Variants in DCC observed in about 807,000 individuals in gnomAD.
DCC encodes netrin receptor DCC.
A neutral mutation model predicts 172.5 loss-of-function variants in DCC; 58 were observed. That is an observed-to-expected ratio of 0.34 (90% CI 0.27 to 0.42). DCC has a LOEUF of 0.42. Ranked by LOEUF, DCC falls within the 10% of genes least tolerant of loss-of-function variation. The pLI is 1.00. For synonymous variants in DCC, 709 were observed against 644.5 expected (o/e 1.10, Z -1.52); for missense variants, 1,740 against 1,791.0 (o/e 0.97, Z 0.51).
At chr18:53,331,579 G>C (rs1280705268) in intron 14 of DCC, among the ~76,000 whole-genome samples, 2 of 152,118 alleles carry the variant, frequency 1.3e-5, no homozygotes, top group African/African-American at 2.4e-5. Flanking sequence ...TAACAGTCAG[G>C]ATTAGGTTAT....
intron 5 of DCC, among the ~76,000 whole-genome samples, chr18:53,011,323 A>C (rs948499517): frequency 6.6e-6 from 1 of 151,728 alleles, no homozygotes; most frequent in Non-Finnish European, 1.5e-5. Flanking sequence ...ATATTTTATA[A>C]TGTATTTTAT....
chr18:52,498,933 G>T (rs1024268962), intron 1 of DCC, among the ~76,000 whole-genome samples: 24 of 152,060 alleles, frequency 1.6e-4, no homozygotes, highest in Admixed American at 1.6e-3. Flanking sequence ...TGAGAATTAG[G>T]GCTTTAATAT....
chr18:52,502,521 T>G (rs1232581315), intron 1 of DCC, among the ~76,000 whole-genome samples: 1 of 152,126 alleles, frequency 6.6e-6, no homozygotes, highest in Non-Finnish European at 1.5e-5. Context: ...CTATTTTAGA[T>G]TTTCTGATTG....
chr18:52,373,777 C>G (rs971153072), intron 1 of DCC, among the ~76,000 whole-genome samples: 1 of 152,224 alleles, frequency 6.6e-6, no homozygotes, highest in Non-Finnish European at 1.5e-5. Flanking sequence ...GATGCTAACA[C>G]CTTAGTCATT....
intron 1 of DCC, among the ~76,000 whole-genome samples, chr18:52,549,122 C>G (rs956143983): frequency 1.3e-5 from 2 of 151,854 alleles, no homozygotes; most frequent in Admixed American, 1.3e-4. Flanking sequence ...TCTTTACAAA[C>G]TTAAACCTTC....
At chr18:52,626,835 GAGAA>G (rs2034582214) in intron 1 of DCC, among the ~76,000 whole-genome samples, 1 of 152,168 alleles carries the variant, frequency 6.6e-6, no homozygotes, top group Non-Finnish European at 1.5e-5. Context: ...AAGTATATGG[GAGAA>G]AGTATGTAGT....
At chr18:52,764,110 C>T (rs2037206095) in intron 2 of DCC, among the ~76,000 whole-genome samples, 1 of 152,172 alleles carries the variant, frequency 6.6e-6, no homozygotes, top group Non-Finnish European at 1.5e-5. Context: ...TTGATAGAAA[C>T]TGGTATATTC....
intron 7 of DCC, among the ~76,000 whole-genome samples, chr18:53,093,622 A>G (rs912659933): frequency 3.3e-5 from 5 of 152,226 alleles, no homozygotes; most frequent in South Asian, 2.1e-4. Context: ...CTGACCTTCC[A>G]TAATTATTGA....
chr18:53,407,666 T>G (rs1909755244), intron 19 of DCC, among the ~76,000 whole-genome samples: 1 of 150,352 alleles, frequency 6.7e-6, no homozygotes, highest in Non-Finnish European at 1.5e-5. Context: ...TTAGATATAT[T>G]ACATAGTAAT....
chr18:53,480,926 T>C (rs1369016566), intron 25 of DCC: 3 of 152,174 alleles, frequency 2.0e-5, no homozygotes, highest in African/African-American at 7.2e-5. Context: ...GAGCTTCAAG[T>C]TGTTTCATGA....
chr18:52,724,835 A>AGCCCT, intron 1 of DCC, among the ~76,000 whole-genome samples: 1 of 152,246 alleles, frequency 6.6e-6, no homozygotes, highest in Middle Eastern at 3.4e-3. Flanking sequence ...ATTCTACACA[A>AGCCCT]TTCCTTCCCC....
intron 8 of DCC, among the ~76,000 whole-genome samples, chr18:53,173,587 A>G (rs1188336487): frequency 6.6e-6 from 1 of 152,184 alleles, no homozygotes; most frequent in African/African-American, 2.4e-5. Flanking sequence ...AAAGAAGGTC[A>G]TTACATAATG....
chr18:52,920,794 C>A (rs529269604), intron 3 of DCC, among the ~76,000 whole-genome samples: 1 of 151,902 alleles, frequency 6.6e-6, no homozygotes. Context: ...CTTCAATAGA[C>A]GAATGGATAA....
chr18:53,314,443 A>G (rs949424068), intron 13 of DCC, among the ~76,000 whole-genome samples: 15 of 152,216 alleles, frequency 9.9e-5, no homozygotes, highest in African/African-American at 3.4e-4. Flanking sequence ...AAGTGATACT[A>G]TGGTAAATCA....
intron 25 of DCC, 103 bp from the exon 26 acceptor site, chr18:53,486,694 A>G: frequency 2.0e-6 from 3 of 1,469,456 alleles, no homozygotes; most frequent in Non-Finnish European, 2.8e-6. Context: ...TACTATGAAG[A>G]GTGTGTATAG....
At chr18:53,072,527 G>T (rs942160833) in intron 7 of DCC, among the ~76,000 whole-genome samples, 2 of 152,224 alleles carry the variant, frequency 1.3e-5, no homozygotes, top group Non-Finnish European at 2.9e-5. Context: ...GCAGGGAAGT[G>T]GAGGGCCGTG....
At position 52,789,101 on chromosome 18, in the gene DCC, A is replaced by C. The variant is rs762011443; in HGVS notation, c.412+36727A>C. ...ATCCCTTAAAGTATGTTTTCTCTCT[A>C]GTTATTCCCCACACTAAAGCTCTAT... On this transcript the variant is annotated intron_variant, in intron 2 of 28. Transcript: ENST00000442544. 5.0e-4 allele frequency among the ~76,000 whole-genome samples: 76 copies of C among 152,132 alleles called. 1 individual carries two copies. Among genetic ancestry groups the C allele is most frequent in the Non-Finnish European group, 8.8e-5 (6 of 68,002 alleles).
chr18:53,136,211 A>ATCTATCTATCTATCTATC (rs138628052), intron 7 of DCC, among the ~76,000 whole-genome samples: 7 of 150,240 alleles, frequency 4.7e-5, no homozygotes, highest in South Asian at 4.2e-4. Context: ...CTATCTATCT[A>ATCTATCTATCTATCTATC]TATATATATA....
intron 5 of DCC, among the ~76,000 whole-genome samples, chr18:52,986,857 CAA>C (rs1491277651): frequency 6.7e-6 from 1 of 149,292 alleles, no homozygotes; most frequent in African/African-American, 2.5e-5. Flanking sequence ...CACACACACA[CAA>C]ACAGACATAT....
Sources: gnomAD v4.1 joint callset for allele counts (sites outside exome capture counted in the v4.1 genomes callset) on GRCh38, gnomAD v4.1.1 for gene constraint, MANE v1.5 for transcripts, NCBI Gene and HGNC (gene_info 2026-07-23, HGNC 2026-07-21) for gene names.